ZNF425: variants seen among roughly 807,000 people sequenced by gnomAD.
ZNF425 encodes the protein zinc finger protein 425.
ZNF425 carries 21 observed loss-of-function variants against 17.0 expected under a neutral mutation model. The observed-to-expected ratio is 1.23, with a 90% confidence interval of 0.88 to 1.78. The LOEUF (loss-of-function observed/expected upper bound fraction) is 1.78, where lower values mean the gene tolerates loss of function less well. Ranked by LOEUF, ZNF425 falls within the 40% of genes most tolerant of loss-of-function variation. The pLI, the probability that ZNF425 is intolerant of heterozygous loss-of-function variation, is 0.00. For missense variants in ZNF425, 868 were observed against 967.3 expected (o/e 0.90, Z 1.36); for synonymous variants, 433 against 384.1 (o/e 1.13, Z -1.49).
chr7:149,124,280 C>G (rs984730434), intron 1 of ZNF425, among the ~76,000 whole-genome samples: 12 of 151,080 alleles, frequency 7.9e-5, no homozygotes, highest in African/African-American at 2.9e-4. Flanking sequence ...CTCAGCCTCC[C>G]AAGTAGCTGG....
At chr7:149,121,462 G>T (rs1826351327) in intron 1 of ZNF425, among the ~76,000 whole-genome samples, 1 of 151,192 alleles carries the variant, frequency 6.6e-6, no homozygotes, top group Non-Finnish European at 1.5e-5. Flanking sequence ...TGTGATCTCG[G>T]CTTACCACAA....
Position 149,126,207 on chromosome 7 carries a change from C to G in ZNF425, c.7G>C (p.Glu3Gln). The G allele has an allele frequency of 1.9e-6, 3 of 1,612,114 alleles. No individual in the cohort carries two copies. The highest frequency in any genetic ancestry group is 2.2e-5 in the South Asian group (2 of 90,896). Residue 3 changes from glutamate (E) to glutamine (Q), a missense_variant, in exon 1 of 4, where the codon GAG becomes CAG. Around this residue, in one of 5 missense-constraint regions of ZNF425, gnomAD observed 179 missense variants for 216.3 expected, o/e 0.83. Transcript: ENST00000378061. Reference sequence around the variant, plus strand: ...CCGGCCCTTCTTACCGAAGCCGGCTCGGCCATGGCGGTTCCGCACGAACCG... The same window carrying G: ...CCGGCCCTTCTTACCGAAGCCGGCTGGGCCATGGCGGTTCCGCACGAACCG... MAEPASVTVTFDD... is the reference protein window; with the variant it reads MAQPASVTVTFDD...
At chr7:149,123,362 T>C (rs917678282) in intron 1 of ZNF425, among the ~76,000 whole-genome samples, 2 of 152,228 alleles carry the variant, frequency 1.3e-5, no homozygotes, top group Admixed American at 1.3e-4. Context: ...ATAGAAAATG[T>C]TGGTCAGAAG....
At chr7:149,118,438 A>C in intron 1 of ZNF425, 90 bp from the exon 2 acceptor site, 1 of 1,447,328 alleles carries the variant, frequency 6.9e-7, no homozygotes, top group South Asian at 1.2e-5. Flanking sequence ...ACAGAAAGAA[A>C]ACATGTTAAT....
At chr7:149,115,746 C>A (rs1473582090) in intron 2 of ZNF425, among the ~76,000 whole-genome samples, 1 of 151,324 alleles carries the variant, frequency 6.6e-6, no homozygotes, top group Non-Finnish European at 1.5e-5. Flanking sequence ...TCAGAGTAGG[C>A]AGCAGGAAGC....
intron 2 of ZNF425, 91 bp from the exon 3 acceptor site, chr7:149,112,386 C>T (rs1826189334): frequency 1.0e-5 from 12 of 1,186,892 alleles, no homozygotes; most frequent in Admixed American, 8.6e-5. Flanking sequence ...GTAATCCCAG[C>T]ACTTTGGGAG....
rs1392119620 is a variant in ZNF425 at position 149,104,206 on chromosome 7, CT to C, written c.1664del (p.Gln555ArgfsTer15). On this transcript the variant is annotated frameshift_variant, in exon 4 of 4. Coordinates refer to ENST00000378061, the MANE Select transcript of ZNF425 (RefSeq NM_001001661.3). LOFTEE classifies it low-confidence loss of function (END_TRUNC). The surrounding 1 kb of genome is among the most constrained non-coding windows in gnomAD (Gnocchi z 4.3). Reference protein sequence around the residue: ...TRLHSGEEPFQCPECDKSFSW... With the variant: ...TRLHSGEEPFXCPECDKSFSW... ...AGAAGCTCTTGTCGCACTCGGGACA[CT>C]GGAAGGGCTCCTCGCCACTGTGAAG... 1 of 1,612,504 alleles carries C rather than the reference CT, an allele frequency of 6.2e-7. No homozygotes were observed. Among genetic ancestry groups the C allele is most frequent in the South Asian group, 1.1e-5 (1 of 91,032 alleles).
chr7:149,111,746 A>G lies in ZNF425; in HGVS notation c.304+391T>C, dbSNP rs1319103244. Among the ~76,000 whole-genome samples, 8 of 151,682 alleles carry G rather than the reference A, an allele frequency of 5.3e-5. No individual in the cohort carries two copies. The South Asian group carries it at 1.5e-3, about 28-fold the overall frequency. On this transcript the variant is annotated intron_variant, in intron 3 of 3. Transcript: ENST00000378061. ...CCAGGCTGGAGTGCAATGGCATGAC[A>G]TTGGCTCACCACAACCTCCGCCTCC...
In ZNF425 at chr7:149,104,131, C is replaced by T. The variant is rs143783393; in HGVS notation, c.1740G>A (p.Lys580=). ...KFHQRMHRDE[K]PFACGECDKT... is the part of the protein sequence containing the mutation. ...TGTCACACTCACCGCACGCGAAGGG[C>T]TTCTCGTCCCTGTGCATCCGCTGGT... is the stretch of plus-strand genomic sequence containing the variant. Residue 580 remains lysine, a synonymous_variant, in exon 4 of 4, where the codon AAG becomes AAA. Coordinates refer to ENST00000378061, the MANE Select transcript of ZNF425 (RefSeq NM_001001661.3). This position sits in a 1 kb window ranked among gnomAD's most constrained non-coding sequence, Gnocchi z 4.3. 8 of 1,613,154 alleles carry T rather than the reference C, an allele frequency of 5.0e-6. No homozygotes were observed. Among genetic ancestry groups the T allele is most frequent in the Non-Finnish European group, 5.9e-6 (7 of 1,179,996 alleles).
intron 1 of ZNF425, among the ~76,000 whole-genome samples, chr7:149,119,701 A>C (rs181698453): frequency 6.6e-6 from 1 of 152,282 alleles, no homozygotes; most frequent in Admixed American, 6.5e-5. Flanking sequence ...AGACTGCTTG[A>C]GCTCAAGTTT....
At chr7:149,124,020 T>C (rs1383687791) in intron 1 of ZNF425, among the ~76,000 whole-genome samples, 1 of 149,700 alleles carries the variant, frequency 6.7e-6, no homozygotes, top group East Asian at 2.0e-4. Flanking sequence ...GCTAATTTTT[T>C]GTCTTTTTAG....
In ZNF425 at chr7:149,112,157, G is replaced by T. The variant is rs145963036; in HGVS notation, c.284C>A (p.Thr95Asn). The change falls in exon 3 of 4, where the codon ACT becomes AAT. Residue 95 changes from threonine (T) to asparagine (N), a missense_variant. Thr to Asn is a moderately conservative substitution (Grantham distance 65). Around this residue, in one of 5 missense-constraint regions of ZNF425, gnomAD observed 179 missense variants for 216.3 expected, o/e 0.83. Transcript: ENST00000378061. ...PTDEQLNMKN[T>N]GKLLCFDDEG... The stretch of plus-strand genomic sequence containing the variant: ...CTCACCAAAACATAGCAACTTTCCA[G>T]TATTCTTCATGTTCAACTGTTCATC... 2 of 1,613,696 alleles carry T rather than the reference G, an allele frequency of 1.2e-6. No homozygotes were observed. The highest frequency in any genetic ancestry group is 2.7e-5 in the African/African-American group (2 of 74,906).
At position 149,104,136 on chromosome 7, in the gene ZNF425, C is replaced by T; in HGVS notation, c.1735G>A (p.Glu579Lys). 2 of 1,613,350 alleles carry T rather than the reference C, an allele frequency of 1.2e-6. No individual in the cohort carries two copies. The highest frequency in any genetic ancestry group is 2.2e-5 in the South Asian group (2 of 91,074). ...MKFHQRMHRDEKPFACGECDK... is the reference protein window; with the variant it reads ...MKFHQRMHRDKKPFACGECDK... ...CACTCACCGCACGCGAAGGGCTTCT[C>T]GTCCCTGTGCATCCGCTGGTGGAAC... The change falls in exon 4 of 4, where the codon GAG becomes AAG. Residue 579 changes from glutamate to lysine, a missense_variant. Physicochemically the swap from Glu to Lys is moderately conservative, Grantham distance 56. Coordinates refer to ENST00000378061, the MANE Select transcript of ZNF425 (RefSeq NM_001001661.3). The surrounding 1 kb of genome is among the most constrained non-coding windows in gnomAD (Gnocchi z 4.3).
rs377497777 is a variant in ZNF425 at position 149,112,296 on chromosome 7, C to G, written c.146-1G>C. On this transcript the variant is annotated splice_acceptor_variant, in intron 2 of 3. Coordinates refer to ENST00000378061, the MANE Select transcript of ZNF425 (RefSeq NM_001001661.3). LOFTEE classifies it high-confidence loss of function. ...AAATCTGGCTTGGAAAAAGCATACC[C>G]TGCAAATAGAGTCCACACAGACTTT... 6.3e-5 allele frequency: 101 copies of G among 1,612,626 alleles called. 1 individual carries two copies. In the South Asian group the frequency reaches 6.7e-4, roughly 11 times the overall value.
intron 1 of ZNF425, among the ~76,000 whole-genome samples, chr7:149,122,583 G>A (rs946487640): frequency 6.6e-6 from 1 of 152,100 alleles, no homozygotes; most frequent in Non-Finnish European, 1.5e-5. Context: ...GATTGTGCTG[G>A]TGGTACACCA....
At chr7:149,109,653 A>G (rs763636796) in intron 3 of ZNF425, among the ~76,000 whole-genome samples, 4 of 152,184 alleles carry the variant, frequency 2.6e-5, no homozygotes, top group Non-Finnish European at 4.4e-5. Flanking sequence ...GTATAGTTCA[A>G]TATAATTGGC....
Position 149,103,824 on chromosome 7 carries a change from C to T in ZNF425, c.2047G>A (p.Val683Ile). The change falls in exon 4 of 4, where the codon GTC (valine) becomes ATC (isoleucine). Residue 683 changes from valine to isoleucine, a missense_variant. By Grantham distance (29) the Val-to-Ile change is conservative (BLOSUM62 3). Coordinates refer to ENST00000378061, the MANE Select transcript of ZNF425 (RefSeq NM_001001661.3). ...KSYCIRGSLK[V>I]HLYKHSGERP... The stretch of plus-strand genomic sequence containing the variant: ...TCTCCACTGTGCTTATACAAGTGGA[C>T]CTTCAAGCTGCCCCTGATGCAGTAG... 2 of 1,614,002 alleles carry T rather than the reference C, an allele frequency of 1.2e-6. No homozygotes were observed. The highest frequency in any genetic ancestry group is 2.2e-5 in the South Asian group (2 of 91,072).
At chr7:149,124,346 G>T (rs1472880114) in intron 1 of ZNF425, among the ~76,000 whole-genome samples, 1 of 149,440 alleles carries the variant, frequency 6.7e-6, no homozygotes, top group African/African-American at 2.5e-5. Flanking sequence ...TAGTAGAGAG[G>T]GAGTTTCACC....
intron 1 of ZNF425, among the ~76,000 whole-genome samples, chr7:149,120,421 T>C (rs1402505104): frequency 2.0e-5 from 3 of 152,088 alleles, no homozygotes; most frequent in African/African-American, 7.2e-5. Flanking sequence ...TGGAATCACA[T>C]GGTATGCGAC....
Sources: gnomAD v4.1 joint callset for allele counts (sites outside exome capture counted in the v4.1 genomes callset) on GRCh38, gnomAD v4.1.1 for gene constraint, gnomAD v4.1.1 regional missense constraint, Gnocchi (gnomAD v3.1) non-coding constraint, MANE v1.5 for transcripts, NCBI Gene and HGNC (gene_info 2026-07-23, HGNC 2026-07-21) for gene names.